The following XAF1 variants were observed in gnomAD, a reference collection of about 807,000 sequenced individuals.
XAF1 encodes the protein XIAP-associated factor 1.
Under a neutral mutation model 32.3 loss-of-function variants are expected in XAF1, and 32 were observed. The observed-to-expected ratio is 0.99, with a 90% confidence interval of 0.75 to 1.33. The LOEUF is 1.33. XAF1 is among the 40% of genes most tolerant of loss of function. The probability of loss-of-function intolerance (pLI) is 0.00; values close to 1 mark genes in which losing one functional copy is unlikely to be tolerated. For synonymous variants in XAF1, 120 were observed against 125.9 expected (o/e 0.95, Z 0.31); for missense variants, 379 against 366.0 (o/e 1.04, Z -0.29).
chr17:6,756,612 G>A (rs566072728), intron 1 of XAF1, among the ~76,000 whole-genome samples: 3 of 152,270 alleles, frequency 2.0e-5, no homozygotes, highest in Admixed American at 6.5e-5. Context: ...CGATCAAAAA[G>A]CCCCATTCTC....
At chr17:6,767,282 T>C (rs1206043468) in intron 5 of XAF1, among the ~76,000 whole-genome samples, 5 of 152,204 alleles carry the variant, frequency 3.3e-5, no homozygotes, top group Non-Finnish European at 5.9e-5. Flanking sequence ...ATGTATTTAC[T>C]CCCCAGATAC....
chr17:6,774,883 A>G lies in XAF1; in HGVS notation c.*1714A>G, dbSNP rs2151569006. 6.6e-6 allele frequency: 1 copy of G among 152,188 alleles called. No homozygotes were observed. The highest frequency in any genetic ancestry group is 3.4e-3 in the Middle Eastern group (1 of 296). The allele number at this position is 152,188 out of a possible 1,614,324, so 9.4% of individuals were successfully genotyped here. On this transcript the variant is annotated 3_prime_UTR_variant, in exon 7 of 7. Coordinates refer to ENST00000361842, the MANE Select transcript of XAF1 (RefSeq NM_017523.5). Reference sequence around the variant, plus strand: ...TGGAGAAACTCCGTCTCCGCTAAAAATACGAAAATTAGCCAGGCGTGGTGG... The same window carrying G: ...TGGAGAAACTCCGTCTCCGCTAAAAGTACGAAAATTAGCCAGGCGTGGTGG...
intron 4 of XAF1, among the ~76,000 whole-genome samples, chr17:6,761,385 T>C (rs146230999): frequency 1.8e-4 from 27 of 152,342 alleles, no homozygotes; most frequent in Non-Finnish European, 2.6e-4. Context: ...AGAAGGGAGT[T>C]AGCAATGGCT....
At chr17:6,765,135 C>T (rs916492735) in intron 5 of XAF1, among the ~76,000 whole-genome samples, 1 of 152,098 alleles carries the variant, frequency 6.6e-6, no homozygotes. Flanking sequence ...TATGTAAGGC[C>T]GGGTATGGTG....
Position 6,756,106 on chromosome 17 carries a change from A to G in XAF1, c.28A>G (p.Asn10Asp). 1 of 1,614,058 alleles carries G rather than the reference A, an allele frequency of 6.2e-7. No homozygotes were observed. The highest frequency in any genetic ancestry group is 8.5e-7 in the Non-Finnish European group (1 of 1,179,994). Residue 10 changes from asparagine to aspartate, a missense_variant, in exon 1 of 7, where the codon AAC becomes GAC. Coordinates refer to ENST00000361842, the MANE Select transcript of XAF1 (RefSeq NM_017523.5). MEGDFSVCR[N>D]CKRHVVSANF... is the part of the protein sequence containing the mutation. The stretch of plus-strand genomic sequence containing the variant: ...GGAAGGAGACTTCTCGGTGTGCAGG[A>G]ACTGGTAAGAAAGTGCTTTCTCCAG...
rs142960467 is a variant in XAF1 at position 6,773,349 on chromosome 17, G to T, written c.*180G>T. ...TATCATCTCAATAGATACAGAAAAGGCTTTTGATAAAATTCAACTTGACTT... is the reference window on the plus strand; with the variant it reads ...TATCATCTCAATAGATACAGAAAAGTCTTTTGATAAAATTCAACTTGACTT... On this transcript the variant is annotated 3_prime_UTR_variant, in exon 7 of 7. Transcript: ENST00000361842. 1.2e-4 allele frequency: 64 copies of T among 517,122 alleles called. No homozygotes were observed. Among genetic ancestry groups the T allele is most frequent in the Middle Eastern group, 5.0e-4 (1 of 1,988 alleles). The allele number at this position is 517,122 out of a possible 1,614,324, so 32.0% of individuals were successfully genotyped here.
chr17:6,773,321 A>G lies in XAF1; in HGVS notation c.*152A>G, dbSNP rs972510784. The G allele has an allele frequency of 9.9e-5, 61 of 618,402 alleles. 1 individual carries two copies. In the African/African-American group the frequency reaches 1.2e-3, roughly 12 times the overall value. 38.3% of individuals were successfully genotyped at this position (618,402 alleles called of 1,614,324 possible). ...TTTGGCAGAACTAAAAACAAAACTC[A>G]CGTATCATCTCAATAGATACAGAAA... is the stretch of plus-strand genomic sequence containing the variant. On this transcript the variant is annotated 3_prime_UTR_variant, in exon 7 of 7. Coordinates refer to ENST00000361842, the MANE Select transcript of XAF1 (RefSeq NM_017523.5).
intron 1 of XAF1, chr17:6,757,423 T>TC: frequency 6.6e-6 from 1 of 152,322 alleles, no homozygotes; most frequent in East Asian, 1.9e-4. Flanking sequence ...TCTCTGTGAG[T>TC]TAGCGCAGGT....
chr17:6,762,117 G>C (rs369200790), intron 4 of XAF1, 38 bp from the exon 5 acceptor site: 6 of 1,611,360 alleles, frequency 3.7e-6, no homozygotes, highest in Non-Finnish European at 5.1e-6. Flanking sequence ...CCGTTGACAA[G>C]GACAATCATT....
Position 6,773,875 on chromosome 17 carries a change from C to T in XAF1, c.*706C>T, listed in dbSNP as rs1387420129. On this transcript the variant is annotated 3_prime_UTR_variant, in exon 7 of 7. Coordinates refer to ENST00000361842, the MANE Select transcript of XAF1 (RefSeq NM_017523.5). Reference sequence around the variant, plus strand: ...TGAAAGATCTCTACAACAAAAATTACAAAACACTGCTGAAAGAAATCAGAG... The same window carrying T: ...TGAAAGATCTCTACAACAAAAATTATAAAACACTGCTGAAAGAAATCAGAG... 6.6e-6 allele frequency: 1 copy of T among 152,016 alleles called. No homozygotes were observed. The highest frequency in any genetic ancestry group is 1.5e-5 in the Non-Finnish European group (1 of 68,014). 9.4% of individuals were successfully genotyped at this position (152,016 alleles called of 1,614,324 possible). A position where few individuals can be genotyped will look rare whatever the true frequency, so the allele number is the denominator to read the frequency against.
intron 4 of XAF1, chr17:6,761,937 T>G: frequency 6.6e-7 from 1 of 1,517,260 alleles, no homozygotes; most frequent in South Asian, 1.2e-5. Context: ...GCTGCTGCCC[T>G]GAGTGCACAT....
intron 4 of XAF1, among the ~76,000 whole-genome samples, chr17:6,761,166 G>C (rs1322040224): frequency 6.7e-6 from 1 of 149,692 alleles, no homozygotes; most frequent in East Asian, 1.9e-4. Context: ...AAAAAAAAAG[G>C]GGGGGACCAT....
intron 3 of XAF1, 73 bp downstream of exon 3, chr17:6,759,791 G>T: frequency 6.2e-7 from 1 of 1,610,662 alleles, no homozygotes; most frequent in Non-Finnish European, 8.5e-7. Flanking sequence ...AGGGGAAACG[G>T]GAGGCCAGTA....
intron 5 of XAF1, among the ~76,000 whole-genome samples, chr17:6,767,855 T>C (rs975495335): frequency 1.3e-5 from 2 of 152,224 alleles, no homozygotes; most frequent in African/African-American, 4.8e-5. Context: ...CATTTATTTC[T>C]ATCATTTCAA....
chr17:6,761,469 G>A (rs77565447), intron 4 of XAF1, among the ~76,000 whole-genome samples: 6,003 of 152,268 alleles, frequency 0.039, 140 homozygotes, highest in African/African-American at 0.058. Flanking sequence ...CTCTTTATGA[G>A]GGTGTATTTA....
intron 4 of XAF1, among the ~76,000 whole-genome samples, chr17:6,760,952 C>T (rs1975158492): frequency 6.6e-6 from 1 of 152,036 alleles, no homozygotes; most frequent in Admixed American, 6.5e-5. Flanking sequence ...GTTGGGAGTT[C>T]GAGACCACCT....
intron 5 of XAF1, among the ~76,000 whole-genome samples, chr17:6,765,259 A>G (rs770562580): frequency 1.3e-5 from 2 of 152,050 alleles, no homozygotes; most frequent in African/African-American, 4.8e-5. Context: ...TAAAAATACA[A>G]AAACTTAGCC....
chr17:6,759,519 G>A (rs1035250904), intron 2 of XAF1, 143 bp from the exon 3 acceptor site: 19 of 1,497,828 alleles, frequency 1.3e-5, no homozygotes, highest in Admixed American at 8.5e-5. Context: ...GAGACACTGA[G>A]GTAGCCACAT....
rs977796672 is a variant in XAF1 at position 6,759,365 on chromosome 17, G to A, written c.169-297G>A. On this transcript the variant is annotated intron_variant, in intron 2 of 6. Transcript: ENST00000361842. ...AAAGGAAGGTCCTGGAAGGCAGTCA[G>A]ATGGAGCCCTGTTTCCCGCCTTTCC... is the stretch of plus-strand genomic sequence containing the variant. 2.2e-6 allele frequency: 3 copies of A among 1,354,434 alleles called. No homozygotes were observed. The East Asian group carries it at 8.2e-5, about 37-fold the overall frequency. 83.9% of individuals were successfully genotyped at this position (1,354,434 alleles called of 1,614,324 possible). A position where few individuals can be genotyped will look rare whatever the true frequency, so the allele number is the denominator to read the frequency against.
Sources: gnomAD v4.1 joint callset for allele counts (sites outside exome capture counted in the v4.1 genomes callset) on GRCh38, gnomAD v4.1.1 for gene constraint, MANE v1.5 for transcripts, NCBI Gene and HGNC (gene_info 2026-07-23, HGNC 2026-07-21) for gene names.